Variants in TRPS1 observed in about 807,000 individuals in gnomAD.
TRPS1 encodes transcriptional repressor GATA binding 1.
In TRPS1, 6 loss-of-function variants were observed where a neutral mutation model predicts 101.2. The ratio of observed to expected loss-of-function variants is 0.06; its 90% confidence interval spans 0.03 to 0.12. The LOEUF is 0.12. TRPS1 is among the 10% of genes least tolerant of loss of function. TRPS1 has a pLI of 1.00. For missense variants in TRPS1, 1,363 were observed against 1,567.0 expected (o/e 0.87, Z 2.20); for synonymous variants, 578 against 589.8 (o/e 0.98, Z 0.29).
intron 5 of TRPS1, among the ~76,000 whole-genome samples, chr8:115,512,851 T>C (rs1267517807): frequency 6.6e-6 from 1 of 151,740 alleles, no homozygotes; most frequent in Non-Finnish European, 1.5e-5. Context: ...CATATCAATA[T>C]ACATGTGAAC....
At chr8:115,517,476 C>T (rs534178242) in intron 5 of TRPS1, among the ~76,000 whole-genome samples, 14 of 151,232 alleles carry the variant, frequency 9.3e-5, no homozygotes, top group East Asian at 1.9e-4. Flanking sequence ...GAGAGAGAGA[C>T]GATGGGAGAC....
chr8:115,445,555 G>A (rs1270750192), intron 5 of TRPS1, among the ~76,000 whole-genome samples: 2 of 152,144 alleles, frequency 1.3e-5, no homozygotes, highest in Non-Finnish European at 2.9e-5. Flanking sequence ...TAAAACAAGT[G>A]TTTGTTACTG....
At position 115,418,264 on chromosome 8, in the gene TRPS1, C is replaced by T; in HGVS notation, c.2823+66G>A. 6.2e-7 allele frequency: 1 copy of T among 1,613,312 alleles called. No individual in the cohort carries two copies. Among genetic ancestry groups the T allele is most frequent in the African/African-American group, 1.3e-5 (1 of 75,030 alleles). ...CTGCAAGCCAGGGAATGGGACTTATCACACCACAGACCAGGCCAACACTGC... is the reference window on the plus strand; with the variant it reads ...CTGCAAGCCAGGGAATGGGACTTATTACACCACAGACCAGGCCAACACTGC... On this transcript the variant is annotated intron_variant, in intron 6 of 6. Coordinates refer to ENST00000395715, the MANE Select transcript of TRPS1 (RefSeq NM_014112.5). This position sits in a 1 kb window ranked among gnomAD's most constrained non-coding sequence, Gnocchi z 4.3.
intron 5 of TRPS1, among the ~76,000 whole-genome samples, chr8:115,521,048 T>C (rs2625676): frequency 1 from 151,938 of 151,938 alleles, 75,969 homozygotes; most frequent in Non-Finnish European, 1. Flanking sequence ...ACACTTTTTT[T>C]TGGTCCCAGG....
chr8:115,597,105 CT>C (rs1817805782), intron 4 of TRPS1, among the ~76,000 whole-genome samples: 1 of 151,738 alleles, frequency 6.6e-6, no homozygotes, highest in Admixed American at 6.6e-5. Flanking sequence ...TTTGTTCTTT[CT>C]AAAAAATGCA....
At chr8:115,626,477 T>A (rs183067201) in intron 1 of TRPS1, among the ~76,000 whole-genome samples, 1 of 151,954 alleles carries the variant, frequency 6.6e-6, no homozygotes, top group African/African-American at 2.4e-5. Flanking sequence ...TCGCTTTTTT[T>A]ATAAACTGCT....
chr8:115,576,893 G>T (rs1416758437), intron 5 of TRPS1, among the ~76,000 whole-genome samples: 1 of 152,162 alleles, frequency 6.6e-6, no homozygotes. Context: ...TAATAAATTT[G>T]TAGACCACAA....
intron 5 of TRPS1, among the ~76,000 whole-genome samples, chr8:115,512,770 T>C (rs1369879500): frequency 2.6e-5 from 4 of 151,762 alleles, no homozygotes; most frequent in Non-Finnish European, 5.9e-5. Flanking sequence ...GTAAGACTAC[T>C]GCATACTTGC....
intron 1 of TRPS1, among the ~76,000 whole-genome samples, chr8:115,664,428 T>C (rs980342870): frequency 1.3e-5 from 2 of 152,072 alleles, no homozygotes; most frequent in African/African-American, 4.8e-5. Context: ...ATCATAACTA[T>C]TATGGTAACA....
intron 1 of TRPS1, among the ~76,000 whole-genome samples, chr8:115,642,857 TATATATAA>T (rs1818934580): frequency 1.4e-5 from 2 of 141,260 alleles, no homozygotes; most frequent in Non-Finnish European, 3.1e-5. Context: ...AAAATATATA[TATATATAA>T]ATATATATAT....
At chr8:115,416,850 C>A (rs1812934082) in intron 6 of TRPS1, among the ~76,000 whole-genome samples, 1 of 152,040 alleles carries the variant, frequency 6.6e-6, no homozygotes. Flanking sequence ...TCCAGGTTTA[C>A]AAAGAGTTCA....
chr8:115,652,083 T>C (rs1028632214), intron 1 of TRPS1, among the ~76,000 whole-genome samples: 3 of 152,038 alleles, frequency 2.0e-5, no homozygotes, highest in African/African-American at 4.8e-5. Context: ...GAAAAGTGCA[T>C]AGATTAAGAG....
rs772479521 is a variant in TRPS1 at position 115,665,432 on chromosome 8, T to A, written c.-122+3113A>T. 1.7e-4 allele frequency among the ~76,000 whole-genome samples: 26 copies of A among 152,302 alleles called. 1 individual carries two copies. The Middle Eastern group carries it at 0.014, about 80-fold the overall frequency. Reference sequence around the variant, plus strand: ...GAAATACTAGAATCGTAAAAGCTGCTTTTCTACAGATGCATGCATTTCCCT... The same window carrying A: ...GAAATACTAGAATCGTAAAAGCTGCATTTCTACAGATGCATGCATTTCCCT... On this transcript the variant is annotated intron_variant, in intron 1 of 6. Coordinates refer to ENST00000395715, the MANE Select transcript of TRPS1 (RefSeq NM_014112.5).
At chr8:115,547,980 C>T (rs1363984217) in intron 5 of TRPS1, among the ~76,000 whole-genome samples, 2 of 151,924 alleles carry the variant, frequency 1.3e-5, no homozygotes, top group African/African-American at 4.8e-5. Flanking sequence ...TCAGTAATCC[C>T]AGCACTTTGA....
chr8:115,420,702 C>A (rs1023805048), intron 5 of TRPS1, among the ~76,000 whole-genome samples: 1 of 152,230 alleles, frequency 6.6e-6, no homozygotes, highest in African/African-American at 2.4e-5. Flanking sequence ...CCTGAAATTA[C>A]AGCACTAGTT....
intron 5 of TRPS1, among the ~76,000 whole-genome samples, chr8:115,436,770 G>T (rs1813464557): frequency 6.6e-6 from 1 of 152,104 alleles, no homozygotes; most frequent in African/African-American, 2.4e-5. Context: ...GGCATGTCTA[G>T]TAAGCTCCCA....
chr8:115,466,076 CTA>C, intron 5 of TRPS1, among the ~76,000 whole-genome samples: 1 of 152,146 alleles, frequency 6.6e-6, no homozygotes, highest in East Asian at 1.9e-4. Context: ...CATAAACGTT[CTA>C]TATATTATCG....
intron 4 of TRPS1, among the ~76,000 whole-genome samples, chr8:115,599,623 G>A (rs1198053694): frequency 1.3e-5 from 2 of 152,150 alleles, no homozygotes; most frequent in Non-Finnish European, 2.9e-5. Flanking sequence ...TTAGTTTGCT[G>A]AGAATGATGG....
chr8:115,564,859 A>G (rs1410425240), intron 5 of TRPS1, among the ~76,000 whole-genome samples: 1 of 152,136 alleles, frequency 6.6e-6, no homozygotes, highest in African/African-American at 2.4e-5. Flanking sequence ...CACTCATGGT[A>G]TACTTGTGAA....
Sources: allele counts gnomAD v4.1 joint callset (sites outside exome capture counted in the v4.1 genomes callset), GRCh38; gene constraint gnomAD v4.1.1; non-coding constraint Gnocchi (gnomAD v3.1); transcripts MANE v1.5; gene names NCBI Gene and HGNC (gene_info 2026-07-23, HGNC 2026-07-21).